LUZP2: variants seen among roughly 807,000 people sequenced by gnomAD.
LUZP2 encodes the protein leucine zipper protein 2.
A neutral mutation model predicts 51.6 loss-of-function variants in LUZP2; 52 were observed. That is an observed-to-expected ratio of 1.01 (90% CI 0.81 to 1.27). The LOEUF (loss-of-function observed/expected upper bound fraction) is 1.27. LUZP2 is among the 50% of genes most tolerant of loss of function. The pLI is 0.00. For missense variants in LUZP2, 436 were observed against 395.4 expected (o/e 1.10, Z -0.87); for synonymous variants, 154 against 137.3 (o/e 1.12, Z -0.85).
intron 5 of LUZP2, among the ~76,000 whole-genome samples, chr11:24,808,160 C>A (rs888483779): frequency 6.6e-6 from 1 of 152,060 alleles, no homozygotes; most frequent in East Asian, 1.9e-4. Context: ...TTTTAAATTG[C>A]GGAGTTACTT....
At chr11:24,918,230 T>G (rs1264042133) in intron 7 of LUZP2, among the ~76,000 whole-genome samples, 1 of 152,118 alleles carries the variant, frequency 6.6e-6, no homozygotes, top group East Asian at 1.9e-4. Context: ...TTATGGAGAT[T>G]TTGCGCTGAG....
At chr11:25,073,191 A>T (rs947848887) in intron 10 of LUZP2, among the ~76,000 whole-genome samples, 1 of 152,280 alleles carries the variant, frequency 6.6e-6, no homozygotes, top group Non-Finnish European at 1.5e-5. Flanking sequence ...GATGTCTGTT[A>T]TCTAGATTTT....
chr11:24,644,152 G>A (rs1565049226), intron 1 of LUZP2, among the ~76,000 whole-genome samples: 2 of 152,148 alleles, frequency 1.3e-5, no homozygotes, highest in Admixed American at 6.6e-5. Flanking sequence ...ACGTGCTACA[G>A]TTAGTCTACC....
intron 1 of LUZP2, among the ~76,000 whole-genome samples, chr11:24,587,961 A>G (rs1417996126): frequency 6.6e-6 from 1 of 152,102 alleles, no homozygotes; most frequent in Non-Finnish European, 1.5e-5. Context: ...CATCCAGTAG[A>G]GATGTTCACC....
intron 1 of LUZP2, among the ~76,000 whole-genome samples, chr11:24,715,088 A>T (rs1311119123): frequency 6.6e-6 from 1 of 152,208 alleles, no homozygotes; most frequent in Non-Finnish European, 1.5e-5. Context: ...CTCTGCTGAC[A>T]ATGCTGGTAT....
intron 5 of LUZP2, among the ~76,000 whole-genome samples, chr11:24,866,958 G>A (rs1372830409): frequency 1.3e-5 from 2 of 152,152 alleles, no homozygotes; most frequent in African/African-American, 4.8e-5. Context: ...AGCAGCGGCT[G>A]CTAACGGCAT....
At chr11:24,593,102 G>A (rs918166056) in intron 1 of LUZP2, among the ~76,000 whole-genome samples, 1 of 152,088 alleles carries the variant, frequency 6.6e-6, no homozygotes, top group Non-Finnish European at 1.5e-5. Flanking sequence ...ATTAGGCCTT[G>A]AGGAGAGTGC....
At chr11:24,666,302 A>G (rs1032669675) in intron 1 of LUZP2, among the ~76,000 whole-genome samples, 5 of 152,208 alleles carry the variant, frequency 3.3e-5, no homozygotes, top group African/African-American at 1.2e-4. Context: ...AACTAGTGAA[A>G]GAGCACAGAA....
At chr11:24,511,412 TA>T (rs3077882) in intron 1 of LUZP2, among the ~76,000 whole-genome samples, 5,266 of 151,086 alleles carry the variant, frequency 0.035, 189 homozygotes, top group African/African-American at 0.093. Context: ...AATTAAAAAA[TA>T]AAAAAAAATA....
At chr11:24,682,608 G>A (rs12574308) in intron 1 of LUZP2, among the ~76,000 whole-genome samples, 26,695 of 144,760 alleles carry the variant, frequency 0.18, 2,554 homozygotes, top group East Asian at 0.32. Flanking sequence ...GTATATATAT[G>A]TGTATGTGTA....
chr11:24,826,312 T>C (rs962722265), intron 5 of LUZP2, among the ~76,000 whole-genome samples: 1 of 150,876 alleles, frequency 6.6e-6, no homozygotes, highest in African/African-American at 2.4e-5. Flanking sequence ...TTATAGATCT[T>C]GACTATGATA....
At chr11:24,889,851 T>C (rs1386236) in intron 5 of LUZP2, among the ~76,000 whole-genome samples, 145,854 of 152,296 alleles carry the variant, frequency 0.96, 70,148 homozygotes, top group East Asian at 1. Context: ...ATAATCACTG[T>C]CCATTTATGG....
intron 9 of LUZP2, among the ~76,000 whole-genome samples, chr11:25,030,971 TATATATATATAATACAATATATA>T (rs1565254999): frequency 0.024 from 1,125 of 47,456 alleles, 201 homozygotes; most frequent in African/African-American, 0.11. Context: ...CAATATATAT[TATATATATATAATACAATATATA>T]TTATATATAT....
chr11:24,758,931 A>G (rs565391916), intron 4 of LUZP2, among the ~76,000 whole-genome samples: 2 of 152,112 alleles, frequency 1.3e-5, no homozygotes, highest in Non-Finnish European at 2.9e-5. Context: ...ATGAAAAAAG[A>G]TGTATATCTG....
chr11:24,644,678 T>C (rs2133951289), intron 1 of LUZP2, among the ~76,000 whole-genome samples: 1 of 152,186 alleles, frequency 6.6e-6, no homozygotes, highest in Admixed American at 6.6e-5. Context: ...CTGATGCCAG[T>C]GTTGGAGGCA....
At chr11:24,794,911 G>C (rs1849508290) in intron 5 of LUZP2, among the ~76,000 whole-genome samples, 1 of 152,062 alleles carries the variant, frequency 6.6e-6, no homozygotes. Flanking sequence ...AGGATTTCAT[G>C]TGTAAGTGAA....
chr11:24,810,033 G>A lies in LUZP2; in HGVS notation c.396+46725G>A, dbSNP rs189554220. 1.5e-3 allele frequency among the ~76,000 whole-genome samples: 226 copies of A among 152,282 alleles called. 1 individual carries two copies. The highest frequency in any genetic ancestry group is 2.6e-3 in the Non-Finnish European group (180 of 68,014). ...AAGGACTGAGTAACGCATTCAACCT[G>A]CATGTAACTGCAGAGGAGCGGTTAT... On this transcript the variant is annotated intron_variant, in intron 5 of 11. Transcript: ENST00000336930.
At chr11:24,820,204 A>T (rs1439125542) in intron 5 of LUZP2, among the ~76,000 whole-genome samples, 1 of 152,174 alleles carries the variant, frequency 6.6e-6, no homozygotes, top group Admixed American at 6.6e-5. Context: ...TGGACTTTAG[A>T]TAACATTTCG....
At chr11:24,653,436 A>G (rs1424137040) in intron 1 of LUZP2, among the ~76,000 whole-genome samples, 1 of 152,142 alleles carries the variant, frequency 6.6e-6, no homozygotes, top group East Asian at 1.9e-4. Flanking sequence ...CAGAACATTC[A>G]TGGATTTGAT....
Sources: allele counts gnomAD v4.1 joint callset (sites outside exome capture counted in the v4.1 genomes callset), GRCh38; gene constraint gnomAD v4.1.1; transcripts MANE v1.5; gene names NCBI Gene and HGNC (gene_info 2026-07-23, HGNC 2026-07-21).